The following RYR2 variants were observed in gnomAD, a reference collection of about 807,000 sequenced individuals.
The protein encoded by RYR2 is ryanodine receptor 2, also known as cardiac muscle ryanodine receptor-calcium release channel.
Under a neutral mutation model 601.1 loss-of-function variants are expected in RYR2, and 227 were observed. The ratio of observed to expected loss-of-function variants is 0.38; its 90% CI spans 0.34 to 0.42. RYR2 has a LOEUF of 0.42. RYR2 is among the 10% of genes least tolerant of loss of function. The pLI is 1.00. For missense variants in RYR2, 4,646 were observed against 6,156.5 expected (o/e 0.75, Z 8.21); for synonymous variants, 2,223 against 2,175.1 (o/e 1.02, Z -0.61).
At chr1:237,492,380 G>A (rs112290804) in intron 18 of RYR2, among the ~76,000 whole-genome samples, 2,356 of 152,314 alleles carry the variant, frequency 0.015, 44 homozygotes, top group East Asian at 0.047. Context: ...TTTATTCATA[G>A]CATCAGTGGG....
chr1:237,428,311 G>A (rs1007452734), intron 12 of RYR2, among the ~76,000 whole-genome samples: 1 of 152,114 alleles, frequency 6.6e-6, no homozygotes, highest in African/African-American at 2.4e-5. Flanking sequence ...CCTGTTTATT[G>A]CAGCACTATT....
intron 1 of RYR2, among the ~76,000 whole-genome samples, chr1:237,253,295 T>TG (rs1172406601): frequency 6.6e-6 from 1 of 152,204 alleles, no homozygotes; most frequent in African/African-American, 2.4e-5. Flanking sequence ...GTGAGTTACC[T>TG]GGGGTCATGC....
chr1:237,645,147 T>A (rs1573311707), intron 48 of RYR2, among the ~76,000 whole-genome samples: 1 of 152,176 alleles, frequency 6.6e-6, no homozygotes. Flanking sequence ...AAGTCTAGAA[T>A]GAAAGGGGTC....
intron 83 of RYR2, among the ~76,000 whole-genome samples, chr1:237,760,361 T>TAAAAAAA (rs34435442): frequency 2.0e-5 from 2 of 100,104 alleles, no homozygotes; most frequent in South Asian, 8.5e-4. Flanking sequence ...GTCGCTAATT[T>TAAAAAAA]AAAAAAAAAA....
intron 35 of RYR2, among the ~76,000 whole-genome samples, chr1:237,609,328 T>TTCCCTCCCTCCATCCC: frequency 6.8e-6 from 1 of 146,070 alleles, no homozygotes; most frequent in African/African-American, 2.5e-5. Context: ...CTCTCCTTGC[T>TTCCCTCCCTCCATCCC]TCCCTCCCTC....
chr1:237,222,718 T>C (rs1161552858), intron 1 of RYR2, among the ~76,000 whole-genome samples: 1 of 152,192 alleles, frequency 6.6e-6, no homozygotes, highest in Non-Finnish European at 1.5e-5. Context: ...AGTCCAGTAG[T>C]ACCGGCATTT....
chr1:237,593,062 A>G (rs1052412388), intron 32 of RYR2, among the ~76,000 whole-genome samples: 8 of 151,486 alleles, frequency 5.3e-5, no homozygotes, highest in Non-Finnish European at 7.4e-5. Context: ...GCATACATGT[A>G]TAAGCTTGAA....
At chr1:237,457,612 GA>G (rs1658989777) in intron 16 of RYR2, among the ~76,000 whole-genome samples, 2 of 152,322 alleles carry the variant, frequency 1.3e-5, no homozygotes, top group East Asian at 3.9e-4. Context: ...TTGAGTTACA[GA>G]AAAGGAATCC....
chr1:237,131,606 A>G (rs1185975781), intron 1 of RYR2, among the ~76,000 whole-genome samples: 1 of 152,246 alleles, frequency 6.6e-6, no homozygotes, highest in Non-Finnish European at 1.5e-5. Flanking sequence ...TGAAAACTGT[A>G]AAAGTGAATC....
At chr1:237,771,440 A>G (rs1694268739) in intron 85 of RYR2, among the ~76,000 whole-genome samples, 1 of 151,824 alleles carries the variant, frequency 6.6e-6, no homozygotes, top group East Asian at 1.9e-4. Flanking sequence ...CAGAGGATTT[A>G]TGAAAAACAT....
intron 85 of RYR2, 42 bp from the exon 86 acceptor site, chr1:237,771,970 A>G (rs1458268943): frequency 9.5e-6 from 11 of 1,153,260 alleles, no homozygotes; most frequent in Non-Finnish European, 1.3e-5. Context: ...CTCAACTTGA[A>G]CTTCTGAGCA....
At chr1:237,546,773 T>G (rs983372191) in intron 25 of RYR2, among the ~76,000 whole-genome samples, 10 of 151,894 alleles carry the variant, frequency 6.6e-5, no homozygotes, top group African/African-American at 2.4e-4. Flanking sequence ...AAAAAAGTTA[T>G]TTATTGCTGT....
At chr1:237,525,728 C>T (rs1667511590) in intron 24 of RYR2, among the ~76,000 whole-genome samples, 1 of 152,002 alleles carries the variant, frequency 6.6e-6, no homozygotes, top group Admixed American at 6.6e-5. Flanking sequence ...TCCTGTAATC[C>T]CAGCACTGTG....
Position 237,117,611 on chromosome 1 carries a change from TTCTCTTCTCTTTTC to T in RYR2, c.48+75054_48+75067del, listed in dbSNP as rs1190651612. The stretch of plus-strand genomic sequence containing the variant: ...TCTCTTCTTTTTTCTCTTCTCTTCT[TTCTCTTCTCTTTTC>T]TCTCTTCTCTTCTTTCTCTTCTCTT... On this transcript the variant is annotated intron_variant, in intron 1 of 104. Transcript: ENST00000366574. Among the ~76,000 whole-genome samples, 90 of 151,808 alleles carry T rather than the reference TTCTCTTCTCTTTTC, an allele frequency of 5.9e-4. 1 individual carries two copies. The highest frequency in any genetic ancestry group is 2.2e-3 in the African/African-American group (89 of 41,278).
At chr1:237,831,701 C>T in intron 104 of RYR2, 136 bp downstream of exon 104, 1 of 599,616 alleles carries the variant, frequency 1.7e-6, no homozygotes, top group Non-Finnish European at 2.9e-6. Flanking sequence ...ATGTAAAGTT[C>T]CTGTTATGTT....
intron 29 of RYR2, 134 bp from the exon 30 acceptor site, chr1:237,589,659 T>TA: frequency 1.4e-6 from 1 of 719,400 alleles, no homozygotes; most frequent in Non-Finnish European, 2.3e-6. Flanking sequence ...ATTGTTCCCT[T>TA]TATTACACTA....
intron 29 of RYR2, among the ~76,000 whole-genome samples, chr1:237,574,797 A>G (rs1673059911): frequency 6.6e-6 from 1 of 152,166 alleles, no homozygotes; most frequent in Non-Finnish European, 1.5e-5. Flanking sequence ...ATAACCAGGG[A>G]GCTTGGAAGA....
At chr1:237,155,429 A>G (rs1675216881) in intron 1 of RYR2, among the ~76,000 whole-genome samples, 1 of 151,678 alleles carries the variant, frequency 6.6e-6, no homozygotes, top group Non-Finnish European at 1.5e-5. Flanking sequence ...ACCCACCTCC[A>G]CCTCCCAAAG....
At chr1:237,641,058 T>G (rs1681417371) in intron 47 of RYR2, 56 bp downstream of exon 47, 5 of 1,288,312 alleles carry the variant, frequency 3.9e-6, no homozygotes, top group Non-Finnish European at 5.4e-6. Context: ...TTAAGACATC[T>G]ATAGCTGTCA....
Sources: gnomAD v4.1 joint callset for allele counts (sites outside exome capture counted in the v4.1 genomes callset) on GRCh38, gnomAD v4.1.1 for gene constraint, MANE v1.5 for transcripts, NCBI Gene and HGNC (gene_info 2026-07-23, HGNC 2026-07-21) for gene names.